The following EPCAM variants were observed in gnomAD, a reference collection of about 807,000 sequenced individuals.
The protein encoded by EPCAM is adenocarcinoma-associated antigen.
Under a neutral mutation model 40.0 loss-of-function variants are expected in EPCAM, and 39 were observed. The observed-to-expected ratio is 0.98, with a 90% CI of 0.76 to 1.27. The LOEUF is 1.27. EPCAM is among the 50% of genes most tolerant of loss of function. EPCAM has a pLI of 0.00. For missense variants in EPCAM, 503 were observed against 381.2 expected (o/e 1.32, Z -2.66); for synonymous variants, 168 against 132.3 (o/e 1.27, Z -1.85).
In EPCAM at chr2:47,382,779, A is replaced by G. The variant is rs559043379; in HGVS notation, c.859-2387A>G. On this transcript the variant is annotated intron_variant, in intron 7 of 8. Transcript: ENST00000263735. ...GTAAATTATGTTTATTGTATCTACGATAGGGAATAATGTGAATGGTGAATG... is the reference window on the plus strand; with the variant it reads ...GTAAATTATGTTTATTGTATCTACGGTAGGGAATAATGTGAATGGTGAATG... 6.6e-5 allele frequency among the ~76,000 whole-genome samples: 10 copies of G among 152,290 alleles called. No individual in the cohort carries two copies. In the South Asian group the frequency reaches 1.9e-3, roughly 28 times the overall value.
intron 5 of EPCAM, among the ~76,000 whole-genome samples, chr2:47,377,457 G>A (rs1036112557): frequency 2.0e-5 from 3 of 151,886 alleles, no homozygotes; most frequent in Admixed American, 1.3e-4. Flanking sequence ...GGCTGGTCTC[G>A]AACTCCTGGC....
chr2:47,378,029 G>C (rs544800490), intron 5 of EPCAM, among the ~76,000 whole-genome samples: 3 of 151,944 alleles, frequency 2.0e-5, no homozygotes, highest in Non-Finnish European at 4.4e-5. Context: ...TCAGGAGATC[G>C]AGACCATCGT....
intron 1 of EPCAM, among the ~76,000 whole-genome samples, chr2:47,371,279 G>A (rs1347455055): frequency 6.6e-6 from 1 of 151,520 alleles, no homozygotes; most frequent in African/African-American, 2.4e-5. Flanking sequence ...CTTTTTTTTG[G>A]AAACAGTGTC....
At chr2:47,372,549 G>A (rs907775972) in intron 1 of EPCAM, among the ~76,000 whole-genome samples, 34 of 152,154 alleles carry the variant, frequency 2.2e-4, no homozygotes, top group African/African-American at 6.5e-4. Flanking sequence ...CGAGGCGGAC[G>A]GATCATGAGG....
intron 1 of EPCAM, among the ~76,000 whole-genome samples, chr2:47,373,235 A>AAAC (rs2103744962): frequency 6.8e-6 from 1 of 146,062 alleles, no homozygotes; most frequent in African/African-American, 2.6e-5. Context: ...AAAAAAAAAA[A>AAAC]CAGGAATGCA....
In EPCAM at chr2:47,381,200, C is replaced by T. The variant is rs1242728831; in HGVS notation, c.858+1231C>T. Among the ~76,000 whole-genome samples, 31 of 150,244 alleles carry T rather than the reference C, an allele frequency of 2.1e-4. 1 individual carries two copies. The highest frequency in any genetic ancestry group is 1.5e-5 in the Non-Finnish European group (1 of 67,702). On this transcript the variant is annotated intron_variant, in intron 7 of 8. Coordinates refer to ENST00000263735, the MANE Select transcript of EPCAM (RefSeq NM_002354.3). ...TCACCCGAGGTCGGGAGTTCGAGAC[C>T]AGCCTGACCAACGTGGAGAAACCCC...
intron 3 of EPCAM, 126 bp downstream of exon 3, chr2:47,374,174 C>T: frequency 8.5e-7 from 1 of 1,169,636 alleles, no homozygotes. Context: ...CAGTGAAAAG[C>T]TTCCTTCTCA....
At chr2:47,379,647 A>G in intron 6 of EPCAM, 122 bp from the exon 7 acceptor site, 1 of 1,123,422 alleles carries the variant, frequency 8.9e-7, no homozygotes, top group South Asian at 1.5e-5. Context: ...TTAGATTGTT[A>G]TCACTAAAAC....
Position 47,369,541 on chromosome 2 carries a change from G to T in EPCAM, c.36G>T (p.Leu12=), listed in dbSNP as rs771025657. The part of the protein sequence containing the change: ...APPQVLAFGL[L]LAAATATFAA... The stretch of plus-strand genomic sequence containing the variant: ...CGCAGGTCCTCGCGTTCGGGCTTCT[G>T]CTTGCCGCGGCGACGGCGACTTTTG... Residue 12 remains leucine, a synonymous_variant, in exon 1 of 9, where the codon CTG becomes CTT. Coordinates refer to ENST00000263735, the MANE Select transcript of EPCAM (RefSeq NM_002354.3). 6.3e-7 allele frequency: 1 copy of T among 1,583,788 alleles called. No homozygotes were observed. The highest frequency in any genetic ancestry group is 8.5e-7 in the Non-Finnish European group (1 of 1,169,602).
intron 4 of EPCAM, among the ~76,000 whole-genome samples, 194 bp downstream of exon 4, chr2:47,375,493 A>C (rs1215736333): frequency 6.6e-6 from 1 of 152,160 alleles, no homozygotes; most frequent in African/African-American, 2.4e-5. Flanking sequence ...ACATTTTGGC[A>C]CATTTGCTTT....
intron 7 of EPCAM, among the ~76,000 whole-genome samples, chr2:47,382,690 A>C (rs1000140374): frequency 6.6e-6 from 1 of 152,212 alleles, no homozygotes; most frequent in African/African-American, 2.4e-5. Flanking sequence ...CTGTCTCAAA[A>C]AATGAATAAA....
rs187827098 is a variant in EPCAM, at chr2:47,376,862, A to G, written c.492-152A>G. 3 of 627,364 alleles carry G rather than the reference A, an allele frequency of 4.8e-6. No homozygotes were observed. In the East Asian group the frequency reaches 8.2e-5, roughly 17 times the overall value. 38.9% of individuals were successfully genotyped at this position (627,364 alleles called of 1,614,324 possible). The stretch of plus-strand genomic sequence containing the variant: ...ATATCAATGGATGATTCCAGCCTGA[A>G]TCAATTATTATTATGATAGTTGCAA... On this transcript the variant is annotated intron_variant, in intron 4 of 8. Transcript: ENST00000263735.
At chr2:47,374,121 G>A (rs1007736901) in intron 3 of EPCAM, 73 bp downstream of exon 3, 4 of 1,528,454 alleles carry the variant, frequency 2.6e-6, no homozygotes, top group African/African-American at 1.4e-5. Flanking sequence ...TTTTGATTAT[G>A]TAATATGATT....
intron 5 of EPCAM, among the ~76,000 whole-genome samples, chr2:47,378,454 C>T (rs1671486924): frequency 6.6e-6 from 1 of 151,796 alleles, no homozygotes; most frequent in Non-Finnish European, 1.5e-5. Flanking sequence ...GGCAATGTGT[C>T]ACCACGCCTG....
At chr2:47,380,166 A>G (rs1671551185) in intron 7 of EPCAM, among the ~76,000 whole-genome samples, 197 bp downstream of exon 7, 1 of 152,032 alleles carries the variant, frequency 6.6e-6, no homozygotes, top group Non-Finnish European at 1.5e-5. Flanking sequence ...AAATACAAAA[A>G]TTAGTCAGAT....
intron 8 of EPCAM, 75 bp downstream of exon 8, chr2:47,385,285 C>T: frequency 6.7e-6 from 8 of 1,198,376 alleles, no homozygotes; most frequent in South Asian, 1.2e-5. Context: ...TTCCTACACA[C>T]TGATGCATTT....
chr2:47,376,872 A>G (rs1573396816), intron 4 of EPCAM, 142 bp from the exon 5 acceptor site: 2 of 639,282 alleles, frequency 3.1e-6, no homozygotes, highest in Non-Finnish European at 2.8e-6. Context: ...ATCAATTATT[A>G]TTATGATAGT....
intron 7 of EPCAM, 79 bp downstream of exon 7, chr2:47,380,048 C>G: frequency 1.3e-6 from 2 of 1,547,834 alleles, no homozygotes; most frequent in Non-Finnish European, 1.7e-6. Flanking sequence ...CGCGGTGGCT[C>G]ACCACACCTG....
intron 7 of EPCAM, among the ~76,000 whole-genome samples, chr2:47,382,352 A>T (rs1354752894): frequency 6.6e-6 from 1 of 152,044 alleles, no homozygotes; most frequent in African/African-American, 2.4e-5. Flanking sequence ...ACACAAGTGC[A>T]ATAAGGAAGC....
Sources: allele counts gnomAD v4.1 joint callset (sites outside exome capture counted in the v4.1 genomes callset), GRCh38; gene constraint gnomAD v4.1.1; transcripts MANE v1.5; gene names NCBI Gene and HGNC (gene_info 2026-07-23, HGNC 2026-07-21).